CTNNA2: variants seen among roughly 807,000 people sequenced by gnomAD.
CTNNA2 encodes the protein catenin alpha-2.
Under a neutral mutation model 101.0 loss-of-function variants are expected in CTNNA2, and 42 were observed. That is an observed-to-expected ratio of 0.42 (90% CI 0.32 to 0.54). CTNNA2 has a LOEUF of 0.54. Among genes scored for constraint, CTNNA2 ranks in the 20% least tolerant of loss-of-function variants. The pLI is 0.14. For synonymous variants in CTNNA2, 450 were observed against 456.4 expected (o/e 0.99, Z 0.18); for missense variants, 871 against 1,223.1 (o/e 0.71, Z 4.29).
chr2:80,411,316 G>A (rs1679553469), intron 8 of CTNNA2, among the ~76,000 whole-genome samples: 1 of 152,022 alleles, frequency 6.6e-6, no homozygotes, highest in Admixed American at 6.6e-5. Context: ...CCCAGAAAGT[G>A]AGAATCTCAT....
chr2:79,190,058 C>T (rs539408611), intron 1 of CTNNA2, among the ~76,000 whole-genome samples: 7 of 152,222 alleles, frequency 4.6e-5, no homozygotes, highest in Admixed American at 6.5e-5. Flanking sequence ...TAGCTGCAAA[C>T]CATAAGTTTT....
intron 7 of CTNNA2, among the ~76,000 whole-genome samples, chr2:79,968,290 T>G (rs1690223083): frequency 6.6e-6 from 1 of 152,206 alleles, no homozygotes; most frequent in Non-Finnish European, 1.5e-5. Flanking sequence ...GTTGGTCATT[T>G]TCAGTCTCAG....
intron 11 of CTNNA2, among the ~76,000 whole-genome samples, chr2:80,553,239 AT>A (rs1243600187): frequency 2.2e-4 from 32 of 145,906 alleles, no homozygotes; most frequent in Non-Finnish European, 3.9e-4. Flanking sequence ...AAAAAATAAA[AT>A]AAAATAAAAT....
chr2:79,724,269 G>GA (rs1000665087), intron 2 of CTNNA2, among the ~76,000 whole-genome samples: 19 of 151,072 alleles, frequency 1.3e-4, no homozygotes, highest in Admixed American at 5.3e-4. Flanking sequence ...ACACCTTTGG[G>GA]AAAAAAACAA....
At chr2:80,110,181 A>G (rs1701128778) in intron 7 of CTNNA2, among the ~76,000 whole-genome samples, 1 of 152,114 alleles carries the variant, frequency 6.6e-6, no homozygotes, top group South Asian at 2.1e-4. Context: ...GCCCAGTCAG[A>G]CCCTGGGAAT....
At chr2:79,372,572 A>G (rs1212144438) in intron 3 of CTNNA2, among the ~76,000 whole-genome samples, 1 of 152,224 alleles carries the variant, frequency 6.6e-6, no homozygotes, top group African/African-American at 2.4e-5. Context: ...ATTCCTGTGC[A>G]GGAGAGAAGA....
intron 9 of CTNNA2, among the ~76,000 whole-genome samples, chr2:80,436,668 G>A (rs1221140597): frequency 6.6e-6 from 1 of 152,110 alleles, no homozygotes; most frequent in Non-Finnish European, 1.5e-5. Flanking sequence ...CCAAGATCGA[G>A]GCACCAGCAG....
At chr2:80,022,475 C>A (rs1419845013) in intron 7 of CTNNA2, among the ~76,000 whole-genome samples, 1 of 152,096 alleles carries the variant, frequency 6.6e-6, no homozygotes, top group African/African-American at 2.4e-5. Context: ...TGAGAATGAA[C>A]TATTCAGGGG....
intron 7 of CTNNA2, among the ~76,000 whole-genome samples, chr2:80,190,854 C>T (rs1017137766): frequency 3.3e-5 from 5 of 152,140 alleles, no homozygotes; most frequent in African/African-American, 1.2e-4. Flanking sequence ...TTTGCAACAG[C>T]AATGTCCATC....
chr2:79,703,796 A>G (rs1325980266), intron 2 of CTNNA2, among the ~76,000 whole-genome samples: 1 of 152,218 alleles, frequency 6.6e-6, no homozygotes, highest in Admixed American at 6.5e-5. Context: ...ACAGAAGTCA[A>G]TGATTAAAAC....
At position 80,071,432 on chromosome 2, in the gene CTNNA2, A is replaced by G. The variant is rs779812144; in HGVS notation, c.1056+161635A>G. The stretch of plus-strand genomic sequence containing the variant: ...TGTAGATTTGGTTACCCATTCAGAA[A>G]TTGCCATCTCACATGTTTAATCAAG... On this transcript the variant is annotated intron_variant, in intron 7 of 18. Transcript: ENST00000402739. Among the ~76,000 whole-genome samples the G allele has an allele frequency of 3.3e-5, 5 of 152,180 alleles. No individual in the cohort carries two copies. The East Asian group carries it at 9.6e-4, about 29-fold the overall frequency.
chr2:79,792,379 C>T (rs1675345655), intron 3 of CTNNA2, among the ~76,000 whole-genome samples: 2 of 152,320 alleles, frequency 1.3e-5, no homozygotes, highest in South Asian at 4.1e-4. Context: ...GAGTTCCTTT[C>T]CTGTAATACA....
intron 8 of CTNNA2, among the ~76,000 whole-genome samples, chr2:80,409,630 C>T (rs557375739): frequency 6.6e-6 from 1 of 152,138 alleles, no homozygotes; most frequent in Admixed American, 6.5e-5. Flanking sequence ...GAACACTGGC[C>T]CTTGAGTACA....
At chr2:79,299,675 A>G (rs769323831) in intron 2 of CTNNA2, among the ~76,000 whole-genome samples, 1 of 152,018 alleles carries the variant, frequency 6.6e-6, no homozygotes, top group African/African-American at 2.4e-5. Flanking sequence ...GGACACAGCA[A>G]TAGGTATACA....
chr2:80,389,930 A>T (rs1310310614), intron 7 of CTNNA2, among the ~76,000 whole-genome samples: 2 of 152,226 alleles, frequency 1.3e-5, no homozygotes, highest in African/African-American at 4.8e-5. Flanking sequence ...CAAGAGTAAC[A>T]TGGAATGATT....
At chr2:79,304,809 CT>C (rs1380898452) in intron 2 of CTNNA2, among the ~76,000 whole-genome samples, 2 of 152,126 alleles carry the variant, frequency 1.3e-5, no homozygotes, top group African/African-American at 4.8e-5. Flanking sequence ...CATGTAGACT[CT>C]TTTTAATATG....
At chr2:79,191,668 G>A (rs934374084) in intron 1 of CTNNA2, among the ~76,000 whole-genome samples, 2 of 152,154 alleles carry the variant, frequency 1.3e-5, no homozygotes, top group South Asian at 2.1e-4. Context: ...GGTAGAGACC[G>A]AAAGTAGAAA....
At chr2:80,491,775 A>G (rs1262157181) in intron 9 of CTNNA2, among the ~76,000 whole-genome samples, 2 of 152,158 alleles carry the variant, frequency 1.3e-5, no homozygotes, top group Non-Finnish European at 2.9e-5. Flanking sequence ...ACACATTGTC[A>G]TCTTAGAGGA....
chr2:79,975,691 G>A (rs995180104), intron 7 of CTNNA2, among the ~76,000 whole-genome samples: 1 of 152,182 alleles, frequency 6.6e-6, no homozygotes, highest in African/African-American at 2.4e-5. Context: ...TACATTTACA[G>A]TTTATTATGA....
Sources: gnomAD v4.1 joint callset for allele counts (sites outside exome capture counted in the v4.1 genomes callset) on GRCh38, gnomAD v4.1.1 for gene constraint, MANE v1.5 for transcripts, NCBI Gene and HGNC (gene_info 2026-07-23, HGNC 2026-07-21) for gene names.